EDEM1: variants seen among roughly 807,000 people sequenced by gnomAD.
The protein encoded by EDEM1 is ER degradation enhancing alpha-mannosidase like protein 1.
A neutral mutation model predicts 74.4 loss-of-function variants in EDEM1; 67 were observed. The ratio of observed to expected loss-of-function variants is 0.90; its 90% confidence interval spans 0.74 to 1.10. The LOEUF (loss-of-function observed/expected upper bound fraction) is 1.10. Ranked by LOEUF, EDEM1 falls within the 50% of genes least tolerant of loss-of-function variation. The pLI is 0.00. For synonymous variants in EDEM1, 382 were observed against 335.9 expected, an observed-to-expected ratio of 1.14 and a Z score of -1.50; for missense variants, 926 against 851.6, an observed-to-expected ratio of 1.09 and a Z score of -1.09.
In EDEM1 at chr3:5,188,188, C is replaced by G; in HGVS notation, c.383C>G (p.Ala128Gly). ...YSGAFPPQLR[A>G]QMRDLARGMF... is the part of the protein sequence containing the mutation. ...GGCGCCTTCCCTCCGCAGCTGCGTG[C>G]CCAGATGCGCGACCTGGCACGGGGC... The change falls in exon 1 of 12, where the codon GCC becomes GGC. Residue 128 changes from alanine (A) to glycine (G), a missense_variant. Transcript: ENST00000256497. 3 of 1,572,662 alleles carry G rather than the reference C, an allele frequency of 1.9e-6. No individual in the cohort carries two copies. Among genetic ancestry groups the G allele is most frequent in the Non-Finnish European group, 2.6e-6 (3 of 1,161,308 alleles).
chr3:5,188,420 C>G, intron 1 of EDEM1, 106 bp downstream of exon 1: 1 of 1,229,416 alleles, frequency 8.1e-7, no homozygotes, highest in East Asian at 3.3e-5. Flanking sequence ...GCGCCAGGGC[C>G]GTTAGGGTCC....
chr3:5,215,090 G>A (rs1214064112), intron 11 of EDEM1, among the ~76,000 whole-genome samples: 1 of 152,104 alleles, frequency 6.6e-6, no homozygotes, highest in Non-Finnish European at 1.5e-5. Flanking sequence ...GGGGGCAGTC[G>A]GGACCAATGG....
At chr3:5,192,472 G>A (rs1254738620) in intron 1 of EDEM1, among the ~76,000 whole-genome samples, 1 of 152,176 alleles carries the variant, frequency 6.6e-6, no homozygotes, top group Non-Finnish European at 1.5e-5. Flanking sequence ...CTGTTTTGAG[G>A]TGAACTTTAA....
chr3:5,215,628 C>T (rs982588172), intron 11 of EDEM1, among the ~76,000 whole-genome samples: 3 of 152,212 alleles, frequency 2.0e-5, no homozygotes, highest in East Asian at 1.9e-4. Flanking sequence ...ACAGCTGAGG[C>T]GTAGGAGTTG....
Position 5,208,085 on chromosome 3 carries a change from C to G in EDEM1, c.1339-8C>G, listed in dbSNP as rs779389826. 9 of 1,593,046 alleles carry G rather than the reference C, an allele frequency of 5.6e-6. No homozygotes were observed. In the Admixed American group the frequency reaches 1.7e-4, roughly 30 times the overall value. On this transcript the variant is annotated splice_polypyrimidine_tract_variant and splice_region_variant and intron_variant, in intron 7 of 11. Coordinates refer to ENST00000256497, the MANE Select transcript of EDEM1 (RefSeq NM_014674.3). ...ATCTCAGCCTGATGACCTGTGTCCT[C>G]TCCTTAGGTGCTGATAGGAGATGTG...
chr3:5,203,781 G>A (rs2055061467), intron 5 of EDEM1, among the ~76,000 whole-genome samples: 1 of 152,140 alleles, frequency 6.6e-6, no homozygotes, highest in Admixed American at 6.5e-5. Context: ...CACCTAGGCT[G>A]GAGTTCAGTG....
Position 5,216,040 on chromosome 3 carries a change from C to G in EDEM1, c.*122C>G. 1.4e-6 allele frequency: 1 copy of G among 733,364 alleles called. No individual in the cohort carries two copies. The highest frequency in any genetic ancestry group is 1.8e-5 in the South Asian group (1 of 55,388). 45.4% of individuals were successfully genotyped at this position (733,364 alleles called of 1,614,324 possible). A position where few individuals can be genotyped will look rare whatever the true frequency, so the allele number is the denominator to read the frequency against. ...GCTGTCCATGGTGGTGTAGGAATTT[C>G]TGTGCAACACCTCACCACGTCTGGT... On this transcript the variant is annotated 3_prime_UTR_variant, in exon 12 of 12. Transcript: ENST00000256497.
chr3:5,192,819 A>G (rs1390903210), intron 1 of EDEM1, among the ~76,000 whole-genome samples: 2 of 152,176 alleles, frequency 1.3e-5, no homozygotes, highest in Non-Finnish European at 2.9e-5. Flanking sequence ...ATTATTTGGT[A>G]AGAAAGAATT....
chr3:5,188,044 C>A lies in EDEM1; in HGVS notation c.239C>A (p.Ala80Glu). Residue 80 changes from alanine to glutamate, a missense_variant, in exon 1 of 12, where the codon GCG (alanine) becomes GAG (glutamate). Ala to Glu is a moderately radical substitution (Grantham distance 107). Coordinates refer to ENST00000256497, the MANE Select transcript of EDEM1 (RefSeq NM_014674.3). ...SWLQPPGTGA[A>E]QSPRKAPRRP... is the part of the protein sequence containing the mutation. ...CTGCAGCCGCCGGGGACCGGGGCAGCGCAGAGCCCGCGCAAGGCTCCGCGG... is the reference window on the plus strand; with the variant it reads ...CTGCAGCCGCCGGGGACCGGGGCAGAGCAGAGCCCGCGCAAGGCTCCGCGG... 1.4e-6 allele frequency: 2 copies of A among 1,437,152 alleles called. No individual in the cohort carries two copies. The highest frequency in any genetic ancestry group is 1.8e-6 in the Non-Finnish European group (2 of 1,098,552). 89.0% of individuals were successfully genotyped at this position (1,437,152 alleles called of 1,614,324 possible).
chr3:5,209,161 C>T (rs1575590879), intron 8 of EDEM1, among the ~76,000 whole-genome samples: 1 of 152,154 alleles, frequency 6.6e-6, no homozygotes, highest in South Asian at 2.1e-4. Context: ...CAAATCCTTG[C>T]CGTTTGCTTC....
chr3:5,208,053 G>C, intron 7 of EDEM1, 40 bp from the exon 8 acceptor site: 3 of 1,549,818 alleles, frequency 1.9e-6, no homozygotes, highest in Non-Finnish European at 2.6e-6. Context: ...GTCACTCTAG[G>C]AATGGTATCT....
rs1222214018 is a variant in EDEM1 at position 5,188,156 on chromosome 3, C to G, written c.351C>G (p.Arg117=). The G allele has an allele frequency of 7.1e-6, 11 of 1,544,236 alleles. No homozygotes were observed. The highest frequency in any genetic ancestry group is 9.6e-6 in the Non-Finnish European group (11 of 1,145,940). ...GCGGCCCGGACGAGTACGAGAAGCG[C>G]TACAGCGGCGCCTTCCCTCCGCAGC... is the stretch of plus-strand genomic sequence containing the variant. ...RGRGPDEYEK[R]YSGAFPPQLR... Residue 117 remains arginine (R), a synonymous_variant, in exon 1 of 12, where the codon CGC becomes CGG. Coordinates refer to ENST00000256497, the MANE Select transcript of EDEM1 (RefSeq NM_014674.3).
intron 1 of EDEM1, 177 bp downstream of exon 1, chr3:5,188,491 G>A (rs939482546): frequency 2.5e-5 from 16 of 644,550 alleles, no homozygotes; most frequent in African/African-American, 3.8e-5. Flanking sequence ...GAGCTTGAGG[G>A]TGCGGGGTGG....
At chr3:5,191,480 G>T (rs1015147196) in intron 1 of EDEM1, among the ~76,000 whole-genome samples, 1 of 151,594 alleles carries the variant, frequency 6.6e-6, no homozygotes, top group Non-Finnish European at 1.5e-5. Flanking sequence ...CAGTCTTCCC[G>T]CCTTGGCCTC....
rs1453028034 is a variant in EDEM1, at chr3:5,218,789, C to G, written c.*2871C>G. 1 of 152,170 alleles carries G rather than the reference C, an allele frequency of 6.6e-6. No individual in the cohort carries two copies. Among genetic ancestry groups the G allele is most frequent in the African/African-American group, 2.4e-5 (1 of 41,426 alleles). 9.4% of individuals were successfully genotyped at this position (152,170 alleles called of 1,614,324 possible). A position where few individuals can be genotyped will look rare whatever the true frequency, so the allele number is the denominator to read the frequency against. ...GGTGGCAAGGGAGGGTTTGCTAGCTCTCCATTTGCACTGGCCATTGTGAAA... is the reference window on the plus strand; with the variant it reads ...GGTGGCAAGGGAGGGTTTGCTAGCTGTCCATTTGCACTGGCCATTGTGAAA... On this transcript the variant is annotated 3_prime_UTR_variant, in exon 12 of 12. Coordinates refer to ENST00000256497, the MANE Select transcript of EDEM1 (RefSeq NM_014674.3).
At chr3:5,193,572 A>T (rs1559293553) in intron 1 of EDEM1, among the ~76,000 whole-genome samples, 1 of 151,948 alleles carries the variant, frequency 6.6e-6, no homozygotes, top group Non-Finnish European at 1.5e-5. Flanking sequence ...CCCCATATAT[A>T]TCTCGTTTCA....
At chr3:5,210,921 T>A (rs971366293) in intron 9 of EDEM1, among the ~76,000 whole-genome samples, 199 bp from the exon 10 acceptor site, 4 of 152,180 alleles carry the variant, frequency 2.6e-5, no homozygotes, top group Non-Finnish European at 5.9e-5. Context: ...ACCTGATAAT[T>A]TAGCAGCCAA....
At chr3:5,194,435 G>C (rs78824722) in intron 1 of EDEM1, among the ~76,000 whole-genome samples, 2,259 of 152,096 alleles carry the variant, frequency 0.015, 58 homozygotes, top group African/African-American at 0.052. Flanking sequence ...TGACTTTTTT[G>C]TAAAGTGTTA....
intron 8 of EDEM1, among the ~76,000 whole-genome samples, chr3:5,209,028 G>A (rs920559954): frequency 2.0e-5 from 3 of 152,094 alleles, no homozygotes; most frequent in Admixed American, 6.5e-5. Context: ...GATGCCCACC[G>A]TGGGCCAGCC....
Sources: allele counts gnomAD v4.1 joint callset (sites outside exome capture counted in the v4.1 genomes callset), GRCh38; gene constraint gnomAD v4.1.1; transcripts MANE v1.5; gene names NCBI Gene and HGNC (gene_info 2026-07-23, HGNC 2026-07-21).